Variants in RBPJ observed in about 807,000 individuals in gnomAD.
The protein encoded by RBPJ is recombining binding protein suppressor of hairless.
Under a neutral mutation model 67.8 loss-of-function variants are expected in RBPJ, and 9 were observed. The ratio of observed to expected loss-of-function variants is 0.13; its 90% CI spans 0.08 to 0.23. RBPJ has a LOEUF of 0.23. Ranked by LOEUF, RBPJ falls within the 10% of genes least tolerant of loss-of-function variation. The probability of loss-of-function intolerance (pLI) is 1.00; values close to 1 mark genes in which losing one functional copy is unlikely to be tolerated. For synonymous variants in RBPJ, 198 were observed against 203.3 expected, an observed-to-expected ratio of 0.97 and a Z score of 0.22; for missense variants, 305 against 595.6, an observed-to-expected ratio of 0.51 and a Z score of 5.08.
intron 3 of RBPJ, among the ~76,000 whole-genome samples, chr4:26,408,012 C>T (rs1029246741): frequency 4.1e-5 from 6 of 145,298 alleles, no homozygotes; most frequent in African/African-American, 1.5e-4. Context: ...GTAGCTGGGA[C>T]TACAGGCACT....
chr4:26,275,915 C>T (rs1310658507), intron 1 of RBPJ, among the ~76,000 whole-genome samples: 2 of 151,680 alleles, frequency 1.3e-5, no homozygotes, highest in South Asian at 2.1e-4. Flanking sequence ...CGTGAGCCAC[C>T]GCAACCGGCC....
upstream of RBPJ, among the ~76,000 whole-genome samples, chr4:26,316,352 C>CATATATACATTCATATATACATTCAT (rs1577419080): frequency 2.1e-5 from 3 of 144,130 alleles, no homozygotes; most frequent in East Asian, 2.0e-4. Flanking sequence ...TATACATATT[C>CATATATACATTCATATATACATTCAT]ATATATACAT....
At chr4:26,324,982 A>G (rs1723467833) in intron 1 of RBPJ, among the ~76,000 whole-genome samples, 1 of 152,230 alleles carries the variant, frequency 6.6e-6, no homozygotes, top group Non-Finnish European at 1.5e-5. Context: ...AACCATGACT[A>G]TAATTTCAGA....
intron 3 of RBPJ, among the ~76,000 whole-genome samples, chr4:26,406,593 A>G (rs1733435752): frequency 6.6e-6 from 1 of 152,232 alleles, no homozygotes; most frequent in Non-Finnish European, 1.5e-5. Context: ...AAAAGCAGAC[A>G]TATTTGTCCC....
chr4:26,183,970 T>C (rs1182279212), intron 1 of RBPJ, among the ~76,000 whole-genome samples: 2 of 151,378 alleles, frequency 1.3e-5, no homozygotes, highest in Non-Finnish European at 2.9e-5. Context: ...TGAGATCGCA[T>C]CACTGCACTC....
intron 1 of RBPJ, among the ~76,000 whole-genome samples, chr4:26,217,203 T>C (rs1718749784): frequency 6.6e-6 from 1 of 152,212 alleles, no homozygotes; most frequent in African/African-American, 2.4e-5. Flanking sequence ...GTAAAGACCA[T>C]GCCTTAATGT....
chr4:26,256,651 G>C (rs1343003227), intron 1 of RBPJ, among the ~76,000 whole-genome samples: 1 of 152,114 alleles, frequency 6.6e-6, no homozygotes, highest in African/African-American at 2.4e-5. Flanking sequence ...AATAAAACAG[G>C]AAATTTCTTC....
At chr4:26,296,587 T>C (rs537325889) in intron 1 of RBPJ, among the ~76,000 whole-genome samples, 1 of 152,318 alleles carries the variant, frequency 6.6e-6, no homozygotes, top group South Asian at 2.1e-4. Context: ...ATTCTTTACT[T>C]TGATGAATAA....
chr4:26,395,293 T>A (rs1577602431), intron 2 of RBPJ, among the ~76,000 whole-genome samples: 1 of 151,876 alleles, frequency 6.6e-6, no homozygotes, highest in East Asian at 1.9e-4. Flanking sequence ...TTAAAAAAAA[T>A]TAAAGAATTA....
chr4:26,402,217 C>CT (rs1200252296), intron 2 of RBPJ, among the ~76,000 whole-genome samples: 1 of 152,142 alleles, frequency 6.6e-6, no homozygotes, highest in Non-Finnish European at 1.5e-5. Flanking sequence ...ACCCTGAACT[C>CT]TATGTTCAGT....
At chr4:26,399,683 CCTTT>C (rs1209734382) in intron 2 of RBPJ, among the ~76,000 whole-genome samples, 2 of 151,036 alleles carry the variant, frequency 1.3e-5, no homozygotes, top group East Asian at 3.9e-4. Context: ...AACAAAATCT[CCTTT>C]TTTTGTTTTG....
At position 26,340,400 on chromosome 4, in the gene RBPJ, G is replaced by A. The variant is rs557701871; in HGVS notation, c.20+19352G>A. 2.0e-5 allele frequency among the ~76,000 whole-genome samples: 3 copies of A among 152,228 alleles called. No individual in the cohort carries two copies. In the East Asian group the frequency reaches 5.8e-4, roughly 29 times the overall value. On this transcript the variant is annotated intron_variant, in intron 1 of 10. Transcript: ENST00000355476. ...AAAACGGTGGTCCAAAATGTGCAAG[G>A]TTTTAGACAAAGAGGAACTTAGTTT...
chr4:26,310,830 C>T (rs748013927), intron 1 of RBPJ, among the ~76,000 whole-genome samples: 8 of 151,928 alleles, frequency 5.3e-5, no homozygotes, highest in Non-Finnish European at 7.4e-5. Flanking sequence ...CCAACGCACC[C>T]GGCTAATTTT....
intron 1 of RBPJ, among the ~76,000 whole-genome samples, chr4:26,302,343 C>T (rs931512880): frequency 6.6e-6 from 1 of 152,156 alleles, no homozygotes; most frequent in Non-Finnish European, 1.5e-5. Flanking sequence ...CTGGAAGGAA[C>T]CTTTAAGGTG....
chr4:26,291,787 G>A (rs1399575227), intron 1 of RBPJ, among the ~76,000 whole-genome samples: 2 of 150,680 alleles, frequency 1.3e-5, no homozygotes, highest in Non-Finnish European at 3.0e-5. Context: ...TGTTGGCCAG[G>A]CTGGTCTTGA....
chr4:26,410,708 T>C (rs566919069), intron 3 of RBPJ, among the ~76,000 whole-genome samples: 1 of 152,322 alleles, frequency 6.6e-6, no homozygotes, highest in African/African-American at 2.4e-5. Context: ...GCAAATATCA[T>C]GAGTTTGGAT....
intron 1 of RBPJ, among the ~76,000 whole-genome samples, chr4:26,303,276 GAA>G (rs1722136234): frequency 6.9e-6 from 1 of 145,128 alleles, no homozygotes; most frequent in African/African-American, 2.5e-5. Flanking sequence ...TAATCCATAT[GAA>G]ATATATATAT....
chr4:26,319,845 T>C (rs888027377), upstream of RBPJ: 3 of 1,588,132 alleles, frequency 1.9e-6, no homozygotes, highest in African/African-American at 2.7e-5. Flanking sequence ...TGGGAATCTC[T>C]AGGAAAGGAA....
chr4:26,176,615 C>A (rs761259553), intron 1 of RBPJ, among the ~76,000 whole-genome samples: 1 of 152,256 alleles, frequency 6.6e-6, no homozygotes, highest in Non-Finnish European at 1.5e-5. Flanking sequence ...GCCCAGCTGA[C>A]GTCCCCCTTC....
Sources: allele counts gnomAD v4.1 joint callset (sites outside exome capture counted in the v4.1 genomes callset), GRCh38; gene constraint gnomAD v4.1.1; transcripts MANE v1.5; gene names NCBI Gene and HGNC (gene_info 2026-07-23, HGNC 2026-07-21).